Variants in TBC1D4 observed in about 807,000 individuals in gnomAD.
The protein encoded by TBC1D4 is TBC (Tre-2, BUB2, CDC16) domain-containing protein.
In TBC1D4, 121 loss-of-function variants were observed where a neutral mutation model predicts 142.5. The observed-to-expected ratio is 0.85, with a 90% CI of 0.73 to 0.99. The LOEUF is 0.99. Ranked by LOEUF, TBC1D4 falls within the 50% of genes least tolerant of loss-of-function variation. The pLI is 0.00. For synonymous variants in TBC1D4, 630 were observed against 628.2 expected, an observed-to-expected ratio of 1.00 and a Z score of -0.04; for missense variants, 1,475 against 1,606.6, an observed-to-expected ratio of 0.92 and a Z score of 1.40.
At chr13:75,440,445 G>C (rs1886989631) in intron 1 of TBC1D4, among the ~76,000 whole-genome samples, 1 of 152,004 alleles carries the variant, frequency 6.6e-6, no homozygotes, top group Admixed American at 6.6e-5. Context: ...AAAAAACACT[G>C]AGCTGTGAAG....
chr13:75,434,236 T>G (rs1366169457), intron 1 of TBC1D4, among the ~76,000 whole-genome samples: 1 of 152,106 alleles, frequency 6.6e-6, no homozygotes, highest in African/African-American at 2.4e-5. Context: ...CTATTCACAA[T>G]AGCAAAGACA....
intron 1 of TBC1D4, among the ~76,000 whole-genome samples, chr13:75,380,502 C>A (rs1283987951): frequency 6.6e-6 from 1 of 151,242 alleles, no homozygotes; most frequent in Non-Finnish European, 1.5e-5. Flanking sequence ...CTTTTTAAAT[C>A]TGTCTGTCTC....
At chr13:75,410,521 G>C (rs1439841749) in intron 1 of TBC1D4, among the ~76,000 whole-genome samples, 1 of 152,184 alleles carries the variant, frequency 6.6e-6, no homozygotes, top group Non-Finnish European at 1.5e-5. Flanking sequence ...AAGAAGTTGG[G>C]TCAGGGCACA....
chr13:75,400,317 T>C (rs760155629), intron 1 of TBC1D4, among the ~76,000 whole-genome samples: 14 of 152,102 alleles, frequency 9.2e-5, no homozygotes, highest in Non-Finnish European at 1.8e-4. Context: ...ATGGTTCCCA[T>C]CATTTTTTGC....
At chr13:75,342,444 A>C (rs954935045) in intron 5 of TBC1D4, among the ~76,000 whole-genome samples, 1 of 151,930 alleles carries the variant, frequency 6.6e-6, no homozygotes, top group East Asian at 1.9e-4. Flanking sequence ...TTTGACAGAG[A>C]TCTCTTCCCC....
At chr13:75,354,519 T>C (rs575519272) in intron 4 of TBC1D4, among the ~76,000 whole-genome samples, 1 of 152,266 alleles carries the variant, frequency 6.6e-6, no homozygotes, top group Admixed American at 6.5e-5. Context: ...AGAGATACAT[T>C]AGCATTTGTA....
chr13:75,304,920 C>T (rs2137903933), intron 15 of TBC1D4, among the ~76,000 whole-genome samples: 1 of 152,236 alleles, frequency 6.6e-6, no homozygotes, highest in South Asian at 2.1e-4. Context: ...AAAATGAGAT[C>T]AGAAAGGAGG....
intron 2 of TBC1D4, among the ~76,000 whole-genome samples, chr13:75,361,288 T>C (rs1449644207): frequency 6.6e-6 from 1 of 152,210 alleles, no homozygotes; most frequent in Non-Finnish European, 1.5e-5. Context: ...TACAAGTCTC[T>C]GGAGTTTTTT....
rs867279955 is a variant in TBC1D4 at position 75,383,216 on chromosome 13, G to A, written c.499-20609C>T. On this transcript the variant is annotated intron_variant, in intron 1 of 20. Coordinates refer to ENST00000377636, the MANE Select transcript of TBC1D4 (RefSeq NM_014832.5). ...TGAGCACTTGTAGTCCCAGCTACTC[G>A]GGAGGCTGAGGCACAAGAATCACTT... Among the ~76,000 whole-genome samples the A allele has an allele frequency of 8.5e-5, 13 of 152,218 alleles. 1 individual carries two copies. Among genetic ancestry groups the A allele is most frequent in the Admixed American group, 3.3e-4 (5 of 15,296 alleles).
intron 1 of TBC1D4, among the ~76,000 whole-genome samples, chr13:75,372,751 T>G (rs1371630672): frequency 6.6e-6 from 1 of 152,206 alleles, no homozygotes; most frequent in Non-Finnish European, 1.5e-5. Flanking sequence ...TGCTCTCATC[T>G]TAGGCCCATA....
intron 3 of TBC1D4, among the ~76,000 whole-genome samples, chr13:75,356,814 T>C (rs534880028): frequency 6.6e-6 from 1 of 152,222 alleles, no homozygotes; most frequent in Admixed American, 6.5e-5. Context: ...TGACAAATCA[T>C]TGTACTTCCT....
chr13:75,292,123 T>C lies in TBC1D4; in HGVS notation c.3465A>G (p.Glu1155=). 3 of 1,611,944 alleles carry C rather than the reference T, an allele frequency of 1.9e-6. No homozygotes were observed. The highest frequency in any genetic ancestry group is 2.5e-6 in the Non-Finnish European group (3 of 1,178,900). ...ATACCTGGGTAATAATTTTTTCCAT[T>C]TCAGAGGTATTCATATCAGGTAGCG... ...KNTLPDMNTS[E]MEKIITQVFE... The change falls in exon 19 of 21, where the codon GAA becomes GAG. Residue 1155 remains glutamate (E), a synonymous_variant. Coordinates refer to ENST00000377636, the MANE Select transcript of TBC1D4 (RefSeq NM_014832.5).
intron 1 of TBC1D4, chr13:75,375,600 G>A (rs775087061): frequency 1.3e-5 from 2 of 152,014 alleles, no homozygotes; most frequent in South Asian, 2.1e-4. Context: ...GTACTTCATC[G>A]CTTGTCATTA....
intron 1 of TBC1D4, among the ~76,000 whole-genome samples, chr13:75,441,413 A>AAAAAAAAG (rs1430800859): frequency 6.6e-6 from 1 of 152,064 alleles, no homozygotes; most frequent in Non-Finnish European, 1.5e-5. Flanking sequence ...AATAGGAACC[A>AAAAAAAAG]AAAAAAAGAA....
At chr13:75,410,732 C>T (rs1451609039) in intron 1 of TBC1D4, among the ~76,000 whole-genome samples, 1 of 151,576 alleles carries the variant, frequency 6.6e-6, no homozygotes, top group Non-Finnish European at 1.5e-5. Context: ...GTCAGGAGAT[C>T]GAGACCATCC....
Position 75,481,342 on chromosome 13 carries a change from C to A in TBC1D4, c.426G>T (p.Leu142=). ...NSHDLTYFAY[L]IKAQPDDPES... is the part of the protein sequence containing the mutation. ...CGGGGTCGTCGGGCTGCGCCTTGAT[C>A]AGGTAGGCAAAGTAGGTGAGGTCGT... The change falls in exon 1 of 21, where the codon CTG becomes CTT. Residue 142 remains leucine, a synonymous_variant. Transcript: ENST00000377636. 1 of 1,613,928 alleles carries A rather than the reference C, an allele frequency of 6.2e-7. No individual in the cohort carries two copies. Among genetic ancestry groups the A allele is most frequent in the Non-Finnish European group, 8.5e-7 (1 of 1,179,842 alleles).
rs779558390 is a variant in TBC1D4 at position 75,349,235 on chromosome 13, G to A, written c.1343C>T (p.Thr448Met). ...STAAALQSAK[T>M]QIKLCEACPM... The stretch of plus-strand genomic sequence containing the variant: ...GCAGGCCTCACACAGTTTAATCTGC[G>A]TCTTGGCACTCTGCAGGGCAGCCGC... Residue 448 changes from threonine (T) to methionine (M), a missense_variant, in exon 5 of 21, where the codon ACG becomes ATG. By Grantham distance (81) the Thr-to-Met change is moderately conservative. This residue lies in a region of TBC1D4 where 1,227 missense variants were observed against 1,267.7 expected (regional missense o/e 0.97). Coordinates refer to ENST00000377636, the MANE Select transcript of TBC1D4 (RefSeq NM_014832.5). 46 of 1,613,764 alleles carry A rather than the reference G, an allele frequency of 2.9e-5. No individual in the cohort carries two copies. Among genetic ancestry groups the A allele is most frequent in the African/African-American group, 4.0e-5 (3 of 74,872 alleles).
intron 7 of TBC1D4, among the ~76,000 whole-genome samples, chr13:75,339,062 C>T (rs1880461550): frequency 6.6e-6 from 1 of 152,146 alleles, no homozygotes; most frequent in Non-Finnish European, 1.5e-5. Flanking sequence ...TATTTATGTA[C>T]CAATGCTACC....
intron 18 of TBC1D4, among the ~76,000 whole-genome samples, chr13:75,292,916 A>C (rs1875484468): frequency 6.6e-6 from 1 of 152,138 alleles, no homozygotes; most frequent in South Asian, 2.1e-4. Flanking sequence ...ACAATTTGGG[A>C]GGCTGAGGTG....
Sources: gnomAD v4.1 joint callset for allele counts (sites outside exome capture counted in the v4.1 genomes callset) on GRCh38, gnomAD v4.1.1 for gene constraint, gnomAD v4.1.1 regional missense constraint, MANE v1.5 for transcripts, NCBI Gene and HGNC (gene_info 2026-07-23, HGNC 2026-07-21) for gene names.